The following ERI3 variants were observed in gnomAD, a reference collection of about 807,000 sequenced individuals.
ERI3 encodes ERI1 exoribonuclease family member 3.
ERI3 carries 18 observed loss-of-function variants against 44.4 expected under a neutral mutation model. The observed-to-expected ratio is 0.41, with a 90% CI of 0.28 to 0.60. The LOEUF (loss-of-function observed/expected upper bound fraction) is 0.60. ERI3 is among the 20% of genes least tolerant of loss of function. The probability of loss-of-function intolerance (pLI) is 0.36; values close to 1 mark genes in which losing one functional copy is unlikely to be tolerated. For synonymous variants in ERI3, 183 were observed against 164.8 expected, an observed-to-expected ratio of 1.11 and a Z score of -0.84; for missense variants, 294 against 435.5, an observed-to-expected ratio of 0.68 and a Z score of 2.89.
chr1:44,324,718 G>C (rs113702600), intron 3 of ERI3, among the ~76,000 whole-genome samples: 1,822 of 152,054 alleles, frequency 0.012, 24 homozygotes, highest in South Asian at 0.053. Flanking sequence ...TCCTGACCTC[G>C]TGATCCACCC....
intron 6 of ERI3, among the ~76,000 whole-genome samples, chr1:44,303,894 A>T (rs1258432580): frequency 6.7e-6 from 1 of 150,364 alleles, no homozygotes; most frequent in Non-Finnish European, 1.5e-5. Context: ...TAGCAATCCA[A>T]GAAGAATATG....
intron 6 of ERI3, among the ~76,000 whole-genome samples, chr1:44,297,502 A>T (rs1386335865): frequency 2.6e-5 from 4 of 151,518 alleles, no homozygotes; most frequent in Non-Finnish European, 5.9e-5. Flanking sequence ...GCTGGGGAAT[A>T]AGAAGAATAT....
intron 6 of ERI3, among the ~76,000 whole-genome samples, chr1:44,295,041 C>A (rs1328336481): frequency 1.1e-4 from 16 of 152,212 alleles, no homozygotes; most frequent in Admixed American, 1.0e-3. Flanking sequence ...ATTCCAGCTC[C>A]CCTGACACCT....
chr1:44,346,121 C>T (rs965916283), intron 2 of ERI3, among the ~76,000 whole-genome samples: 2 of 152,176 alleles, frequency 1.3e-5, no homozygotes, highest in Admixed American at 1.3e-4. Context: ...GAGTCCTCAC[C>T]TCAACAAAAC....
chr1:44,226,816 A>ACACACACACACACAC (rs1557764563), intron 8 of ERI3, among the ~76,000 whole-genome samples: 1 of 87,358 alleles, frequency 1.1e-5, no homozygotes, highest in African/African-American at 4.9e-5. Context: ...CACACACACA[A>ACACACACACACACAC]ACTATCCTAT....
At chr1:44,240,013 C>T (rs141677928) in intron 8 of ERI3, among the ~76,000 whole-genome samples, 1 of 152,258 alleles carries the variant, frequency 6.6e-6, no homozygotes, top group Non-Finnish European at 1.5e-5. Flanking sequence ...GTCTCCAGCA[C>T]TCCCAGCTCC....
chr1:44,343,051 G>C (rs1646716444), intron 2 of ERI3, among the ~76,000 whole-genome samples: 1 of 150,258 alleles, frequency 6.7e-6, no homozygotes, highest in African/African-American at 2.5e-5. Context: ...AAGAAACAGA[G>C]GTCCTTAGAG....
At chr1:44,285,855 T>C (rs1181290545) in intron 6 of ERI3, among the ~76,000 whole-genome samples, 1 of 152,202 alleles carries the variant, frequency 6.6e-6, no homozygotes, top group African/African-American at 2.4e-5. Context: ...ACAGTCTTAT[T>C]CCTAAGAGAA....
chr1:44,246,603 T>C (rs762516025), intron 8 of ERI3, among the ~76,000 whole-genome samples: 1 of 152,230 alleles, frequency 6.6e-6, no homozygotes, highest in Non-Finnish European at 1.5e-5. Flanking sequence ...CCCATATCAC[T>C]ACCTCTTAGT....
chr1:44,277,650 C>T (rs1022595712), intron 7 of ERI3, among the ~76,000 whole-genome samples: 2 of 152,194 alleles, frequency 1.3e-5, no homozygotes, highest in African/African-American at 4.8e-5. Context: ...CTGACCACTC[C>T]TCTTCTTCTG....
intron 7 of ERI3, among the ~76,000 whole-genome samples, chr1:44,250,073 A>G (rs1644643687): frequency 6.6e-6 from 1 of 152,230 alleles, no homozygotes; most frequent in Admixed American, 6.5e-5. Flanking sequence ...TGCAGTAACT[A>G]GTGAAGAATA....
chr1:44,293,720 C>G (rs325160), intron 6 of ERI3, among the ~76,000 whole-genome samples: 87,254 of 152,152 alleles, frequency 0.57, 26,917 homozygotes, highest in East Asian at 0.74. Flanking sequence ...GGAATCGAAA[C>G]TAGGTCTCTT....
intron 8 of ERI3, among the ~76,000 whole-genome samples, chr1:44,239,093 C>T (rs1644376556): frequency 1.3e-5 from 2 of 149,800 alleles, no homozygotes; most frequent in Non-Finnish European, 3.0e-5. Context: ...GGCTTATTTC[C>T]TAGGGTGGGA....
At chr1:44,325,840 G>C (rs374881573) in intron 3 of ERI3, among the ~76,000 whole-genome samples, 1 of 151,974 alleles carries the variant, frequency 6.6e-6, no homozygotes, top group African/African-American at 2.4e-5. Flanking sequence ...CTAAAGACAG[G>C]GTTTTGCCAC....
At chr1:44,246,225 C>T (rs968919435) in intron 8 of ERI3, among the ~76,000 whole-genome samples, 2 of 152,180 alleles carry the variant, frequency 1.3e-5, no homozygotes, top group East Asian at 1.9e-4. Flanking sequence ...GGTGTCTGAA[C>T]TTGTCCTCAA....
chr1:44,326,475 T>G (rs1254922506), intron 3 of ERI3, among the ~76,000 whole-genome samples: 1 of 152,228 alleles, frequency 6.6e-6, no homozygotes, highest in African/African-American at 2.4e-5. Context: ...GTGGTTTTGA[T>G]TTACACCACA....
intron 7 of ERI3, among the ~76,000 whole-genome samples, chr1:44,280,789 C>A (rs1008315294): frequency 2.6e-5 from 4 of 152,164 alleles, no homozygotes; most frequent in Non-Finnish European, 5.9e-5. Flanking sequence ...TTCCTCTTAC[C>A]CTAAACATCA....
At chr1:44,274,061 C>T (rs768518394) in intron 7 of ERI3, among the ~76,000 whole-genome samples, 9 of 152,158 alleles carry the variant, frequency 5.9e-5, no homozygotes, top group Non-Finnish European at 7.3e-5. Flanking sequence ...ACCCTGCAAT[C>T]ACACCCTTTC....
At position 44,221,451 on chromosome 1, in the gene ERI3, G is replaced by T; in HGVS notation, c.*107C>A. The T allele has an allele frequency of 1.1e-6, 1 of 951,148 alleles. No homozygotes were observed. Among genetic ancestry groups the T allele is most frequent in the East Asian group, 2.5e-5 (1 of 40,298 alleles). The allele number at this position is 951,148 out of a possible 1,614,324, so 58.9% of individuals were successfully genotyped here. A position where few individuals can be genotyped will look rare whatever the true frequency, so the allele number is the denominator to read the frequency against. ...CCCACAGGGCAGCTGGGGACACTCTGGACACAGAGCTATGCCACTCTCCCT... is the reference window on the plus strand; with the variant it reads ...CCCACAGGGCAGCTGGGGACACTCTTGACACAGAGCTATGCCACTCTCCCT... On this transcript the variant is annotated 3_prime_UTR_variant, in exon 9 of 9. Coordinates refer to ENST00000372257, the MANE Select transcript of ERI3 (RefSeq NM_024066.3). The surrounding 1 kb of genome is among the most constrained non-coding windows in gnomAD (Gnocchi z 5.9).
Sources: allele counts gnomAD v4.1 joint callset (sites outside exome capture counted in the v4.1 genomes callset), GRCh38; gene constraint gnomAD v4.1.1; non-coding constraint Gnocchi (gnomAD v3.1); transcripts MANE v1.5; gene names NCBI Gene and HGNC (gene_info 2026-07-23, HGNC 2026-07-21).